The following KIRREL3 variants were observed in gnomAD, a reference collection of about 807,000 sequenced individuals.
KIRREL3 encodes kin of IRRE-like protein 3.
A neutral mutation model predicts 89.7 loss-of-function variants in KIRREL3; 36 were observed. The observed-to-expected ratio is 0.40, with a 90% CI of 0.31 to 0.53. KIRREL3 has a LOEUF of 0.53. Ranked by LOEUF, KIRREL3 falls within the 20% of genes least tolerant of loss-of-function variation. The probability of loss-of-function intolerance (pLI) is 0.49; values close to 1 mark genes in which losing one functional copy is unlikely to be tolerated. For missense variants in KIRREL3, 864 were observed against 1,056.6 expected, an observed-to-expected ratio of 0.82 and a Z score of 2.53; for synonymous variants, 445 against 441.4, an observed-to-expected ratio of 1.01 and a Z score of -0.10.
intron 1 of KIRREL3, among the ~76,000 whole-genome samples, chr11:126,902,983 C>CT (rs1040087110): frequency 2.6e-5 from 4 of 152,008 alleles, no homozygotes; most frequent in South Asian, 2.1e-4. Flanking sequence ...CTGAATAATA[C>CT]TTTTTTTAAA....
At chr11:126,599,580 C>G (rs1000289886) in intron 1 of KIRREL3, among the ~76,000 whole-genome samples, 8 of 152,166 alleles carry the variant, frequency 5.3e-5, no homozygotes, top group African/African-American at 1.9e-4. Flanking sequence ...TTGTCTTTTC[C>G]ATCAAATGGA....
rs1206482497 is a variant in KIRREL3, at chr11:126,996,905, C to T, written c.55+3550G>A. ...CAGAATCACAAGGCAGGACAGGACG[C>T]TCTAGGAATGCCAGAGCAAAATGCC... On this transcript the variant is annotated intron_variant, in intron 1 of 16. Coordinates refer to ENST00000525144, the MANE Select transcript of KIRREL3 (RefSeq NM_032531.4). The surrounding 1 kb of genome is among the most constrained non-coding windows in gnomAD (Gnocchi z 4.7). 6.6e-6 allele frequency among the ~76,000 whole-genome samples: 1 copy of T among 152,206 alleles called. No homozygotes were observed. Among genetic ancestry groups the T allele is most frequent in the Non-Finnish European group, 1.5e-5 (1 of 68,040 alleles).
At chr11:126,847,417 C>A (rs1036613522) in intron 1 of KIRREL3, among the ~76,000 whole-genome samples, 2 of 151,988 alleles carry the variant, frequency 1.3e-5, no homozygotes, top group South Asian at 2.1e-4. Flanking sequence ...CATCCACAGA[C>A]AATTGTTGTC....
At chr11:126,932,879 T>C (rs769872423) in intron 1 of KIRREL3, among the ~76,000 whole-genome samples, 6 of 152,212 alleles carry the variant, frequency 3.9e-5, no homozygotes, top group African/African-American at 9.6e-5. Context: ...TCAACATAAA[T>C]AGATAACAGC....
chr11:126,949,546 A>T (rs1008578978), intron 1 of KIRREL3, among the ~76,000 whole-genome samples: 1 of 152,200 alleles, frequency 6.6e-6, no homozygotes, highest in Non-Finnish European at 1.5e-5. Context: ...TTTTGCCTGG[A>T]TGCTCTCACC....
chr11:126,832,931 T>C (rs1943657979), intron 1 of KIRREL3, among the ~76,000 whole-genome samples: 1 of 152,198 alleles, frequency 6.6e-6, no homozygotes, highest in South Asian at 2.1e-4. Flanking sequence ...CAGATCAAGC[T>C]ATGTTAAAAT....
intron 1 of KIRREL3, among the ~76,000 whole-genome samples, chr11:126,714,367 A>C (rs1468813497): frequency 2.6e-5 from 4 of 152,228 alleles, no homozygotes; most frequent in African/African-American, 9.6e-5. Context: ...CCGAGCCCTG[A>C]TACTGTTGCA....
At position 126,515,381 on chromosome 11, in the gene KIRREL3, T is replaced by G; in HGVS notation, c.433+5934A>C. Among the ~76,000 whole-genome samples the G allele has an allele frequency of 6.6e-6, 1 of 151,392 alleles. No homozygotes were observed. Among genetic ancestry groups the G allele is most frequent in the Non-Finnish European group, 1.5e-5 (1 of 67,874 alleles). On this transcript the variant is annotated intron_variant, in intron 4 of 16. Transcript: ENST00000525144. The surrounding 1 kb of genome is among the most constrained non-coding windows in gnomAD (Gnocchi z 4.2). Reference sequence around the variant, plus strand: ...GGGAGGATCGCTTGAGCCAGGGAGGTCGAGGCTGCAGTGAGCCATAATAGT... The same window carrying G: ...GGGAGGATCGCTTGAGCCAGGGAGGGCGAGGCTGCAGTGAGCCATAATAGT...
intron 1 of KIRREL3, among the ~76,000 whole-genome samples, chr11:126,821,919 C>A (rs1943239794): frequency 6.6e-6 from 1 of 152,160 alleles, no homozygotes; most frequent in Admixed American, 6.5e-5. Flanking sequence ...CCAGAAGGAA[C>A]ACAGCCCTGC....
rs1303653963 is a variant in KIRREL3, at chr11:126,995,642, A to G, written c.55+4813T>C. Reference sequence around the variant, plus strand: ...TCTTTTCCTCATCCATGTTTCCAAAACAGTTTATCTTTTTATCTCCTTGGA... The same window carrying G: ...TCTTTTCCTCATCCATGTTTCCAAAGCAGTTTATCTTTTTATCTCCTTGGA... On this transcript the variant is annotated intron_variant, in intron 1 of 16. Transcript: ENST00000525144. This position sits in a 1 kb window ranked among gnomAD's most constrained non-coding sequence, Gnocchi z 6.5. 6.6e-6 allele frequency among the ~76,000 whole-genome samples: 1 copy of G among 152,036 alleles called. No homozygotes were observed. The highest frequency in any genetic ancestry group is 1.5e-5 in the Non-Finnish European group (1 of 68,004).
At chr11:126,726,458 C>G (rs933833468) in intron 1 of KIRREL3, among the ~76,000 whole-genome samples, 2 of 152,164 alleles carry the variant, frequency 1.3e-5, no homozygotes, top group Non-Finnish European at 1.5e-5. Flanking sequence ...ACCTCCTCCT[C>G]CTGGGTTCAA....
chr11:126,495,267 G>A lies in KIRREL3; in HGVS notation c.434-21801C>T, dbSNP rs112999954. 0.011 allele frequency among the ~76,000 whole-genome samples: 1,721 copies of A among 152,250 alleles called. 31 individuals are homozygous for A. The highest frequency in any genetic ancestry group is 0.038 in the African/African-American group (1,593 of 41,544). On this transcript the variant is annotated intron_variant, in intron 4 of 16. Transcript: ENST00000525144. This position sits in a 1 kb window ranked among gnomAD's most constrained non-coding sequence, Gnocchi z 6.5. ...CCAGTGGCTTTCCCTTGTTTGCAGAGTGCAGTGTGACCCATCAGCTTGACT... is the reference window on the plus strand; with the variant it reads ...CCAGTGGCTTTCCCTTGTTTGCAGAATGCAGTGTGACCCATCAGCTTGACT...
intron 1 of KIRREL3, among the ~76,000 whole-genome samples, chr11:126,790,784 C>T (rs1442900510): frequency 6.6e-6 from 1 of 152,096 alleles, no homozygotes; most frequent in Non-Finnish European, 1.5e-5. Context: ...CTCTGTGGAG[C>T]AGCCACATCT....
Position 126,781,407 on chromosome 11 carries a change from G to A in KIRREL3, c.56-218495C>T, listed in dbSNP as rs142999770. ...AAACACCCATTATTCTACCACCCAG[G>A]GGAAACCAGTGTTTTGGTGTATTCT... On this transcript the variant is annotated intron_variant, in intron 1 of 16. Coordinates refer to ENST00000525144, the MANE Select transcript of KIRREL3 (RefSeq NM_032531.4). Among the ~76,000 whole-genome samples, 1,136 of 152,214 alleles carry A rather than the reference G, an allele frequency of 7.5e-3. 11 individuals carry two copies. Among genetic ancestry groups the A allele is most frequent in the South Asian group, 0.025 (119 of 4,816 alleles).
chr11:126,458,486 TC>T (rs1956445765), intron 6 of KIRREL3, among the ~76,000 whole-genome samples: 1 of 152,126 alleles, frequency 6.6e-6, no homozygotes, highest in African/African-American at 2.4e-5. Context: ...ACATAACTGC[TC>T]AGCTGCCCTC....
At chr11:126,899,158 A>C (rs976087785) in intron 1 of KIRREL3, among the ~76,000 whole-genome samples, 1 of 151,960 alleles carries the variant, frequency 6.6e-6, no homozygotes, top group Non-Finnish European at 1.5e-5. Context: ...ATCTTGTAAA[A>C]GGGAGATTTC....
At chr11:126,591,583 C>T (rs1942134357) in intron 1 of KIRREL3, among the ~76,000 whole-genome samples, 1 of 152,228 alleles carries the variant, frequency 6.6e-6, no homozygotes, top group Non-Finnish European at 1.5e-5. Flanking sequence ...TGCCTTGCAC[C>T]TGGACCTGAG....
rs1565531534 is a variant in KIRREL3 at position 126,535,574 on chromosome 11, G to GTTGT, written c.134-8888_134-8887insACAA. ...GGCAGCACTGCAGGGTGCTGGGTCG[G>GTTGT]GTGTGTGTGTGTGTGTGTGCACGTG... On this transcript the variant is annotated intron_variant, in intron 2 of 16. Transcript: ENST00000525144. The surrounding 1 kb of genome is among the most constrained non-coding windows in gnomAD (Gnocchi z 4.5). Among the ~76,000 whole-genome samples, 1 of 150,758 alleles carries GTTGT rather than the reference G, an allele frequency of 6.6e-6. No homozygotes were observed. Among genetic ancestry groups the GTTGT allele is most frequent in the African/African-American group, 2.4e-5 (1 of 41,012 alleles).
intron 7 of KIRREL3, among the ~76,000 whole-genome samples, chr11:126,450,333 G>A (rs1489425476): frequency 6.6e-6 from 1 of 150,702 alleles, no homozygotes; most frequent in Non-Finnish European, 1.5e-5. Context: ...GCATGTGTGA[G>A]CGTGGGCATG....
Sources: gnomAD v4.1 joint callset for allele counts (sites outside exome capture counted in the v4.1 genomes callset) on GRCh38, gnomAD v4.1.1 for gene constraint, Gnocchi (gnomAD v3.1) non-coding constraint, MANE v1.5 for transcripts, NCBI Gene and HGNC (gene_info 2026-07-23, HGNC 2026-07-21) for gene names.